Variants in NDUFAF6 observed in about 807,000 individuals in gnomAD.
NDUFAF6 encodes the protein NADH dehydrogenase (ubiquinone) complex I, assembly factor 6.
NDUFAF6 carries 45 observed loss-of-function variants against 40.8 expected under a neutral mutation model. The ratio of observed to expected loss-of-function variants is 1.10; its 90% confidence interval spans 0.87 to 1.42. The LOEUF is 1.42. NDUFAF6 is among the 40% of genes most tolerant of loss of function. The pLI is 0.00. For synonymous variants in NDUFAF6, 185 were observed against 155.9 expected (o/e 1.19, Z -1.39); for missense variants, 435 against 418.5 (o/e 1.04, Z -0.34).
At chr8:95,044,024 A>G (rs1830439638) in intron 4 of NDUFAF6, among the ~76,000 whole-genome samples, 1 of 152,250 alleles carries the variant, frequency 6.6e-6, no homozygotes, top group Non-Finnish European at 1.5e-5. Context: ...AAAATGTTGT[A>G]TATCCATACA....
intron 2 of NDUFAF6, among the ~76,000 whole-genome samples, chr8:95,033,752 G>A (rs1273620975): frequency 1.3e-5 from 2 of 152,168 alleles, no homozygotes; most frequent in African/African-American, 4.8e-5. Flanking sequence ...ACAGATATGT[G>A]GGCAAAGAGT....
intron 2 of NDUFAF6, among the ~76,000 whole-genome samples, chr8:94,948,893 G>C (rs1822272555): frequency 6.6e-6 from 1 of 151,188 alleles, no homozygotes; most frequent in East Asian, 2.0e-4. Context: ...CCGGGCCCTT[G>C]TCCGCGCCGC....
chr8:94,990,750 G>T (rs1235294706), intron 2 of NDUFAF6, among the ~76,000 whole-genome samples: 2 of 152,180 alleles, frequency 1.3e-5, no homozygotes, highest in South Asian at 2.1e-4. Context: ...ATGGACAATT[G>T]GTCAACTTGA....
At chr8:95,079,737 C>G (rs1398748601), downstream of NDUFAF6, among the ~76,000 whole-genome samples, 1 of 146,620 alleles carries the variant, frequency 6.8e-6, no homozygotes, top group Non-Finnish European at 1.5e-5. Context: ...TTTTTTGAGA[C>G]AGGGTCTTGC....
At chr8:95,116,553 G>A (rs1039237690), downstream of NDUFAF6, 2 of 152,130 alleles carry the variant, frequency 1.3e-5, no homozygotes, top group African/African-American at 4.8e-5. Flanking sequence ...GTCTTGCTGT[G>A]TTGCTCAGGC....
chr8:95,102,962 T>G (rs902614355), intron 2 of NDUFAF6: 1 of 152,150 alleles, frequency 6.6e-6, no homozygotes, highest in Non-Finnish European at 1.5e-5. Flanking sequence ...TTGCTTTCCT[T>G]TTTTTCTCTA....
At chr8:94,967,636 C>T (rs919171904) in intron 1 of NDUFAF6, among the ~76,000 whole-genome samples, 1 of 151,858 alleles carries the variant, frequency 6.6e-6, no homozygotes, top group African/African-American at 2.4e-5. Context: ...CATAAGGCTG[C>T]TATCAAAATG....
downstream of NDUFAF6, chr8:95,058,783 T>C: frequency 1.0e-6 from 1 of 986,404 alleles, no homozygotes; most frequent in Non-Finnish European, 1.2e-6. Flanking sequence ...ATCAGTGTTC[T>C]CATTTGGTTT....
At chr8:94,945,968 T>C (rs1821948738) in intron 2 of NDUFAF6, among the ~76,000 whole-genome samples, 1 of 152,142 alleles carries the variant, frequency 6.6e-6, no homozygotes, top group African/African-American at 2.4e-5. Flanking sequence ...CCTCCATCCC[T>C]CCCTTTAAAA....
At chr8:94,993,211 A>G (rs1362481205) in intron 2 of NDUFAF6, among the ~76,000 whole-genome samples, 2 of 152,126 alleles carry the variant, frequency 1.3e-5, no homozygotes, top group Non-Finnish European at 2.9e-5. Context: ...TACCAATCAT[A>G]TTGGATTAGG....
chr8:94,942,148 T>C (rs957628293), intron 1 of NDUFAF6, among the ~76,000 whole-genome samples: 8 of 151,934 alleles, frequency 5.3e-5, no homozygotes, highest in African/African-American at 1.7e-4. Flanking sequence ...GCCATTCTCC[T>C]GCCTCAGCCT....
intron 9 of NDUFAF6, among the ~76,000 whole-genome samples, chr8:95,070,597 G>C (rs1832818233): frequency 6.6e-6 from 1 of 151,912 alleles, no homozygotes; most frequent in Non-Finnish European, 1.5e-5. Flanking sequence ...TTCCACTTTG[G>C]ATTATGAAAT....
At chr8:94,955,444 C>G (rs1822991904), upstream of NDUFAF6, among the ~76,000 whole-genome samples, 1 of 152,200 alleles carries the variant, frequency 6.6e-6, no homozygotes, top group Non-Finnish European at 1.5e-5. Flanking sequence ...AGGCAGAGCC[C>G]TCATGACCTA....
At chr8:95,003,464 G>A (rs993814145) in intron 2 of NDUFAF6, among the ~76,000 whole-genome samples, 8 of 152,146 alleles carry the variant, frequency 5.3e-5, no homozygotes, top group African/African-American at 1.7e-4. Flanking sequence ...ATACTAAGAG[G>A]AGCAGAAGGA....
At chr8:95,020,914 G>A (rs1262401077), upstream of NDUFAF6, among the ~76,000 whole-genome samples, 4 of 152,180 alleles carry the variant, frequency 2.6e-5, no homozygotes, top group Admixed American at 2.6e-4. Context: ...AGGAAGAGGT[G>A]TTTAATTAGG....
At chr8:95,111,010 T>C (rs76215399) in intron 4 of NDUFAF6, among the ~76,000 whole-genome samples, 11,443 of 152,260 alleles carry the variant, frequency 0.075, 490 homozygotes, top group Middle Eastern at 0.13. Flanking sequence ...TGAAGCCTTG[T>C]GGGCTGGCCT....
At chr8:95,066,791 C>T (rs1832715576) in intron 9 of NDUFAF6, 1 of 152,222 alleles carries the variant, frequency 6.6e-6, no homozygotes, top group African/African-American at 2.4e-5. Context: ...AAAAATGACA[C>T]ATTCCATAGC....
intron 1 of NDUFAF6, chr8:94,930,357 G>T: frequency 7.2e-7 from 1 of 1,383,216 alleles, no homozygotes; most frequent in Non-Finnish European, 9.9e-7. Context: ...TAAATACACT[G>T]ATAAAACTAT....
chr8:94,904,836 A>G (rs1243150400), intron 1 of NDUFAF6, among the ~76,000 whole-genome samples: 2 of 151,650 alleles, frequency 1.3e-5, no homozygotes, highest in African/African-American at 2.4e-5. Context: ...CTGCTTTGTC[A>G]TCTTCCTGCA....
Sources: allele counts gnomAD v4.1 joint callset (sites outside exome capture counted in the v4.1 genomes callset), GRCh38; gene constraint gnomAD v4.1.1; transcripts MANE v1.5; gene names NCBI Gene and HGNC (gene_info 2026-07-23, HGNC 2026-07-21).